Variants in RABGAP1L observed in about 807,000 individuals in gnomAD.
The protein encoded by RABGAP1L is rab GTPase-activating protein 1-like.
In RABGAP1L, 63 loss-of-function variants were observed where a neutral mutation model predicts 137.7. The ratio of observed to expected loss-of-function variants is 0.46; its 90% confidence interval spans 0.37 to 0.56. The LOEUF is 0.56. Among genes scored for constraint, RABGAP1L ranks in the 20% least tolerant of loss-of-function variants. The pLI is 0.00. For synonymous variants in RABGAP1L, 431 were observed against 433.7 expected (o/e 0.99, Z 0.08); for missense variants, 1,095 against 1,244.0 (o/e 0.88, Z 1.80).
chr1:174,363,583 G>C (rs760879501), intron 11 of RABGAP1L, among the ~76,000 whole-genome samples: 1 of 152,062 alleles, frequency 6.6e-6, no homozygotes, highest in Non-Finnish European at 1.5e-5. Flanking sequence ...TCAGTACTTT[G>C]TTGGTTAACA....
chr1:174,288,075 A>C (rs1360665231), intron 10 of RABGAP1L, among the ~76,000 whole-genome samples: 2 of 152,154 alleles, frequency 1.3e-5, no homozygotes, highest in Non-Finnish European at 2.9e-5. Flanking sequence ...TAACAACTCA[A>C]CTGTGTTTGC....
chr1:174,786,890 A>C (rs1379753247), intron 18 of RABGAP1L, among the ~76,000 whole-genome samples: 1 of 152,180 alleles, frequency 6.6e-6, no homozygotes, highest in Non-Finnish European at 1.5e-5. Context: ...CATTTACTCA[A>C]TATGTATTTA....
chr1:174,587,926 C>G (rs1005051730), intron 13 of RABGAP1L, among the ~76,000 whole-genome samples: 27 of 152,126 alleles, frequency 1.8e-4, no homozygotes, highest in African/African-American at 5.8e-4. Flanking sequence ...TGCAGTGGCA[C>G]AATCTCGACT....
At chr1:174,278,338 GGAGGTTGCAGT>G (rs1219340515) in intron 9 of RABGAP1L, among the ~76,000 whole-genome samples, 5 of 152,106 alleles carry the variant, frequency 3.3e-5, no homozygotes, top group Non-Finnish European at 7.4e-5. Flanking sequence ...CCCTGGAGGC[GGAGGTTGCAGT>G]GAGCCAAGAT....
chr1:174,524,626 G>A (rs1663716394), intron 13 of RABGAP1L, among the ~76,000 whole-genome samples: 1 of 152,040 alleles, frequency 6.6e-6, no homozygotes, highest in African/African-American at 2.4e-5. Context: ...TTCCTTTGCT[G>A]TGCAGAAGCT....
rs1213264248 is a variant in RABGAP1L at position 174,988,808 on chromosome 1, G to T, written c.2973G>T (p.Leu991=). ...AACTGGAACTGGCACAAACCAAACT[G>T]CAGTTGGTGGAGGCCAAGTGTAAAA... ...EMELELAQTK[L]QLVEAKCKIQ... The change falls in exon 25 of 26, where the codon CTG becomes CTT. Residue 991 remains leucine, a synonymous_variant. Transcript: ENST00000681986. The T allele has an allele frequency of 1.3e-6, 2 of 1,540,188 alleles. No individual in the cohort carries two copies. Among genetic ancestry groups the T allele is most frequent in the Middle Eastern group, 1.7e-4 (1 of 5,944 alleles).
intron 15 of RABGAP1L, among the ~76,000 whole-genome samples, chr1:174,695,312 G>A (rs1310339059): frequency 6.7e-6 from 1 of 150,290 alleles, no homozygotes; most frequent in Non-Finnish European, 1.5e-5. Context: ...TTTTGTTGTT[G>A]TTGTTTCTCC....
chr1:174,395,866 C>A (rs1647783387), intron 13 of RABGAP1L, among the ~76,000 whole-genome samples: 1 of 150,148 alleles, frequency 6.7e-6, no homozygotes, highest in Non-Finnish European at 1.5e-5. Context: ...GAAAGAATAC[C>A]TAGAGAAAGT....
intron 19 of RABGAP1L, among the ~76,000 whole-genome samples, chr1:174,903,303 C>G (rs1412113821): frequency 6.6e-6 from 1 of 152,138 alleles, no homozygotes; most frequent in Non-Finnish European, 1.5e-5. Context: ...TGGAGTTGTC[C>G]CATTACAACT....
At chr1:174,710,444 A>T (rs1443393603) in intron 17 of RABGAP1L, among the ~76,000 whole-genome samples, 1 of 152,234 alleles carries the variant, frequency 6.6e-6, no homozygotes, top group African/African-American at 2.4e-5. Flanking sequence ...CGGGTTACTC[A>T]CAAAGGGAAG....
chr1:174,751,857 A>G (rs1684362238), intron 17 of RABGAP1L, among the ~76,000 whole-genome samples: 1 of 152,210 alleles, frequency 6.6e-6, no homozygotes, highest in Non-Finnish European at 1.5e-5. Flanking sequence ...TAAAGCCTCC[A>G]GTACACAATC....
At chr1:174,645,162 G>A (rs942674863) in intron 14 of RABGAP1L, among the ~76,000 whole-genome samples, 18 of 151,904 alleles carry the variant, frequency 1.2e-4, no homozygotes, top group South Asian at 6.3e-4. Context: ...ATCACATAAC[G>A]TTGTGTTGTA....
At chr1:174,490,299 C>G (rs1392295873) in intron 13 of RABGAP1L, among the ~76,000 whole-genome samples, 2 of 152,144 alleles carry the variant, frequency 1.3e-5, no homozygotes, top group African/African-American at 2.4e-5. Flanking sequence ...AAGGGGCACC[C>G]CAAGCCCGGT....
chr1:174,620,929 G>T (rs561403296), intron 13 of RABGAP1L, among the ~76,000 whole-genome samples: 17 of 151,816 alleles, frequency 1.1e-4, no homozygotes, highest in East Asian at 3.9e-4. Context: ...TCAAATAGAC[G>T]CAATAAAAAA....
intron 5 of RABGAP1L, among the ~76,000 whole-genome samples, chr1:174,249,635 T>C (rs1672554279): frequency 6.6e-6 from 1 of 150,764 alleles, no homozygotes; most frequent in South Asian, 2.1e-4. Context: ...GAATTCCTTC[T>C]TTCTTTCTTT....
intron 19 of RABGAP1L, among the ~76,000 whole-genome samples, chr1:174,867,668 C>CA (rs1651514064): frequency 6.6e-6 from 1 of 152,092 alleles, no homozygotes. Context: ...TTATCTGAGA[C>CA]AGAGTCTTGC....
intron 10 of RABGAP1L, among the ~76,000 whole-genome samples, chr1:174,294,848 C>T (rs1266143403): frequency 6.6e-6 from 1 of 151,778 alleles, no homozygotes; most frequent in Non-Finnish European, 1.5e-5. Flanking sequence ...TGTTGATGCT[C>T]TTGATTGAGA....
At chr1:174,973,988 T>G (rs1033956251) in intron 21 of RABGAP1L, among the ~76,000 whole-genome samples, 21 of 111,654 alleles carry the variant, frequency 1.9e-4, no homozygotes, top group South Asian at 1.4e-3. Flanking sequence ...TGTTTTTTTT[T>G]TTTTTTTTTT....
At position 174,678,454 on chromosome 1, in the gene RABGAP1L, C is replaced by A. The variant is rs1408928329; in HGVS notation, c.1825-5068C>A. ...TTCCTCATAAAATATTCTCAAAAAA[C>A]CCCCACAAAACAAAACAAAAAAAAA... On this transcript the variant is annotated intron_variant, in intron 14 of 25. Coordinates refer to ENST00000681986, the MANE Select transcript of RABGAP1L (RefSeq NM_001366446.1). Among the ~76,000 whole-genome samples, 12 of 151,920 alleles carry A rather than the reference C, an allele frequency of 7.9e-5. No individual in the cohort carries two copies. The East Asian group carries it at 1.9e-3, about 24-fold the overall frequency.
Sources: gnomAD v4.1 joint callset for allele counts (sites outside exome capture counted in the v4.1 genomes callset) on GRCh38, gnomAD v4.1.1 for gene constraint, MANE v1.5 for transcripts, NCBI Gene and HGNC (gene_info 2026-07-23, HGNC 2026-07-21) for gene names.